DPP10: variants seen among roughly 807,000 people sequenced by gnomAD.
The protein encoded by DPP10 is inactive dipeptidyl peptidase 10.
A neutral mutation model predicts 120.9 loss-of-function variants in DPP10; 33 were observed. The ratio of observed to expected loss-of-function variants is 0.27; its 90% CI spans 0.21 to 0.37. DPP10 has a LOEUF of 0.37. DPP10 is among the 10% of genes least tolerant of loss of function. The pLI is 1.00. For missense variants in DPP10, 816 were observed against 942.8 expected (o/e 0.87, Z 1.76); for synonymous variants, 337 against 326.1 (o/e 1.03, Z -0.36).
intron 5 of DPP10, among the ~76,000 whole-genome samples, chr2:115,569,199 C>G (rs889270474): frequency 1.3e-5 from 2 of 152,158 alleles, no homozygotes; most frequent in Admixed American, 1.3e-4. Context: ...ATTTTCAAAC[C>G]AGGCAACCTG....
rs560912987 is a variant in DPP10, at chr2:115,601,931, T to C, written c.441+75959T>C. ...CTTCTGACCTTGTGATCCGCCTGCCTTGGCCTCCCAAAGTGCTGGGATTAC... is the reference window on the plus strand; with the variant it reads ...CTTCTGACCTTGTGATCCGCCTGCCCTGGCCTCCCAAAGTGCTGGGATTAC... On this transcript the variant is annotated intron_variant, in intron 5 of 25. Coordinates refer to ENST00000410059, the MANE Select transcript of DPP10 (RefSeq NM_020868.6). Among the ~76,000 whole-genome samples the C allele has an allele frequency of 7.2e-5, 11 of 152,132 alleles. No homozygotes were observed. In the East Asian group the frequency reaches 2.1e-3, roughly 29 times the overall value.
chr2:115,707,595 A>T (rs892970749), intron 7 of DPP10, among the ~76,000 whole-genome samples: 31 of 151,848 alleles, frequency 2.0e-4, no homozygotes, highest in Non-Finnish European at 1.0e-4. Context: ...CATTGAGAAA[A>T]TTCATTGCAA....
chr2:115,814,598 A>T, intron 19 of DPP10, 195 bp from the exon 20 acceptor site: 1 of 396,628 alleles, frequency 2.5e-6, no homozygotes, highest in Non-Finnish European at 4.4e-6. Context: ...CTTTTCAATT[A>T]CAGTTTTACA....
intron 21 of DPP10, among the ~76,000 whole-genome samples, chr2:115,828,768 A>G (rs1323132415): frequency 6.6e-6 from 1 of 152,134 alleles, no homozygotes; most frequent in East Asian, 1.9e-4. Context: ...GGGAGGATAA[A>G]TCTCATTTCT....
intron 1 of DPP10, among the ~76,000 whole-genome samples, chr2:114,799,513 T>G (rs1278201118): frequency 6.6e-6 from 1 of 152,236 alleles, no homozygotes; most frequent in Non-Finnish European, 1.5e-5. Flanking sequence ...ATGTATGTTT[T>G]CTTTCAAGTT....
At chr2:114,776,187 A>C (rs1025904685) in intron 1 of DPP10, among the ~76,000 whole-genome samples, 3 of 152,208 alleles carry the variant, frequency 2.0e-5, no homozygotes, top group Non-Finnish European at 2.9e-5. Flanking sequence ...CTTAGTTGTC[A>C]TGTAGTTGAT....
At chr2:114,573,279 T>C (rs1409170346) in intron 1 of DPP10, among the ~76,000 whole-genome samples, 1 of 152,192 alleles carries the variant, frequency 6.6e-6, no homozygotes, top group Non-Finnish European at 1.5e-5. Flanking sequence ...CCATCACACC[T>C]GGTTATATTT....
chr2:114,941,939 C>A (rs772255878), intron 1 of DPP10, among the ~76,000 whole-genome samples: 2 of 151,968 alleles, frequency 1.3e-5, no homozygotes, highest in Admixed American at 6.6e-5. Flanking sequence ...ATAAATGTAG[C>A]TCATATGACC....
chr2:115,219,333 C>G (rs1273347064), intron 1 of DPP10, among the ~76,000 whole-genome samples: 2 of 152,078 alleles, frequency 1.3e-5, no homozygotes, highest in African/African-American at 4.8e-5. Context: ...TAGGAACACA[C>G]TTAATTTTTG....
chr2:114,629,104 G>T (rs940915383), intron 1 of DPP10, among the ~76,000 whole-genome samples: 2 of 152,166 alleles, frequency 1.3e-5, no homozygotes, highest in Non-Finnish European at 2.9e-5. Flanking sequence ...TTTGGAATGC[G>T]CAGCCAAATT....
chr2:115,108,195 G>A, intron 1 of DPP10, among the ~76,000 whole-genome samples: 1 of 152,134 alleles, frequency 6.6e-6, no homozygotes, highest in East Asian at 1.9e-4. Flanking sequence ...GATGAAATAT[G>A]CAGGGAAAGG....
intron 1 of DPP10, among the ~76,000 whole-genome samples, chr2:115,200,353 C>T (rs1222126279): frequency 6.6e-6 from 1 of 152,110 alleles, no homozygotes; most frequent in African/African-American, 2.4e-5. Flanking sequence ...GATAGGTGTA[C>T]AAGGAACTCT....
At chr2:115,795,851 C>T (rs10496508) in intron 19 of DPP10, among the ~76,000 whole-genome samples, 21,779 of 152,026 alleles carry the variant, frequency 0.14, 1,946 homozygotes, top group African/African-American at 0.24. Flanking sequence ...ATCTGGATGA[C>T]TGAACTCTAA....
chr2:115,204,703 T>G (rs538599885), intron 1 of DPP10, among the ~76,000 whole-genome samples: 10 of 152,154 alleles, frequency 6.6e-5, no homozygotes, highest in Non-Finnish European at 1.3e-4. Flanking sequence ...CTCAGTTTCA[T>G]CTGTCTGCCT....
At chr2:115,435,171 G>A (rs2071380948) in intron 3 of DPP10, among the ~76,000 whole-genome samples, 1 of 151,492 alleles carries the variant, frequency 6.6e-6, no homozygotes. Context: ...TCTTCAACAT[G>A]CTGATTTCCT....
chr2:115,049,322 T>C (rs1705297551), intron 1 of DPP10, among the ~76,000 whole-genome samples: 1 of 152,114 alleles, frequency 6.6e-6, no homozygotes, highest in African/African-American at 2.4e-5. Flanking sequence ...ATTACTATTA[T>C]ACACGCCACT....
chr2:114,471,641 T>C (rs921426773), intron 1 of DPP10, among the ~76,000 whole-genome samples: 2 of 151,888 alleles, frequency 1.3e-5, no homozygotes, highest in Admixed American at 6.6e-5. Flanking sequence ...GAAAAAAGAG[T>C]CTCCTAAAAT....
intron 3 of DPP10, among the ~76,000 whole-genome samples, chr2:115,421,147 T>G (rs1291375207): frequency 6.6e-6 from 1 of 152,026 alleles, no homozygotes; most frequent in Non-Finnish European, 1.5e-5. Flanking sequence ...TCACCAATTA[T>G]ATATTAAATC....
chr2:114,584,756 GCAGGCT>G (rs1169010579), intron 1 of DPP10, among the ~76,000 whole-genome samples: 2 of 151,882 alleles, frequency 1.3e-5, no homozygotes, highest in African/African-American at 4.8e-5. Flanking sequence ...CCTGACAAAT[GCAGGCT>G]TTAGACTTTA....
Sources: gnomAD v4.1 joint callset for allele counts (sites outside exome capture counted in the v4.1 genomes callset) on GRCh38, gnomAD v4.1.1 for gene constraint, MANE v1.5 for transcripts, NCBI Gene and HGNC (gene_info 2026-07-23, HGNC 2026-07-21) for gene names.